EPHA6: variants seen among roughly 807,000 people sequenced by gnomAD.
EPHA6 encodes the protein ephrin type-A receptor 6.
EPHA6 carries 50 observed loss-of-function variants against 112.0 expected under a neutral mutation model. The observed-to-expected ratio is 0.45, with a 90% CI of 0.36 to 0.56. EPHA6 has a LOEUF of 0.56. Among genes scored for constraint, EPHA6 ranks in the 20% least tolerant of loss-of-function variants. EPHA6 has a pLI of 0.00. For synonymous variants in EPHA6, 529 were observed against 490.7 expected, an observed-to-expected ratio of 1.08 and a Z score of -1.03; for missense variants, 1,280 against 1,417.4, an observed-to-expected ratio of 0.90 and a Z score of 1.56.
chr3:97,013,133 A>T (rs1216184458), intron 3 of EPHA6, among the ~76,000 whole-genome samples: 1 of 152,014 alleles, frequency 6.6e-6, no homozygotes, highest in Non-Finnish European at 1.5e-5. Flanking sequence ...TGTTTTTGTT[A>T]CAATTGCTTT....
chr3:97,482,654 G>C (rs978845531), intron 9 of EPHA6, among the ~76,000 whole-genome samples: 1 of 152,186 alleles, frequency 6.6e-6, no homozygotes, highest in Non-Finnish European at 1.5e-5. Flanking sequence ...GGGCATTTCA[G>C]CACCTCCTCT....
intron 14 of EPHA6, among the ~76,000 whole-genome samples, chr3:97,645,464 A>G (rs1288067160): frequency 7.1e-4 from 99 of 139,080 alleles, no homozygotes; most frequent in African/African-American, 2.4e-3. Flanking sequence ...GAATTGAACA[A>G]TGAGATCACA....
intron 2 of EPHA6, among the ~76,000 whole-genome samples, chr3:96,943,203 A>G (rs113737595): frequency 1.3e-4 from 19 of 151,934 alleles, no homozygotes; most frequent in African/African-American, 4.6e-4. Flanking sequence ...TTTTTTGTAT[A>G]TATATATTTT....
chr3:97,055,851 G>A (rs2045834595), intron 3 of EPHA6, among the ~76,000 whole-genome samples: 1 of 151,976 alleles, frequency 6.6e-6, no homozygotes, highest in Admixed American at 6.6e-5. Context: ...AAAAAATATA[G>A]CAAAGGGCAA....
chr3:97,077,148 G>C (rs2046553857), intron 3 of EPHA6, among the ~76,000 whole-genome samples: 2 of 152,194 alleles, frequency 1.3e-5, no homozygotes, highest in South Asian at 4.2e-4. Context: ...GATGAATCTG[G>C]CAAAATAAAT....
chr3:96,932,872 A>G (rs1199531713), intron 2 of EPHA6, among the ~76,000 whole-genome samples: 1 of 152,242 alleles, frequency 6.6e-6, no homozygotes, highest in Non-Finnish European at 1.5e-5. Flanking sequence ...AAAACATGCA[A>G]AACGATTTAT....
At chr3:97,702,226 T>A (rs2033436104) in intron 14 of EPHA6, among the ~76,000 whole-genome samples, 1 of 152,238 alleles carries the variant, frequency 6.6e-6, no homozygotes, top group Non-Finnish European at 1.5e-5. Flanking sequence ...TGTTTTATTA[T>A]CTTTCAACTT....
At chr3:97,211,101 T>G (rs2077861400) in intron 3 of EPHA6, among the ~76,000 whole-genome samples, 1 of 152,234 alleles carries the variant, frequency 6.6e-6, no homozygotes, top group African/African-American at 2.4e-5. Flanking sequence ...AAGTCACTTC[T>G]ACTATAGTCA....
At chr3:97,173,159 C>T (rs1368649077) in intron 3 of EPHA6, among the ~76,000 whole-genome samples, 2 of 151,672 alleles carry the variant, frequency 1.3e-5, no homozygotes, top group Admixed American at 6.6e-5. Context: ...AGATAACCTA[C>T]CAACAGTAAT....
chr3:97,055,773 ATTTC>A (rs371804082), intron 3 of EPHA6, among the ~76,000 whole-genome samples: 118 of 152,188 alleles, frequency 7.8e-4, no homozygotes, highest in Non-Finnish European at 1.4e-3. Flanking sequence ...CACTCCTTTG[ATTTC>A]TTTATTTTTA....
At chr3:97,332,352 C>A (rs558881268) in intron 5 of EPHA6, among the ~76,000 whole-genome samples, 1 of 151,916 alleles carries the variant, frequency 6.6e-6, no homozygotes, top group Non-Finnish European at 1.5e-5. Context: ...TGGCACAAGA[C>A]AGGGATGCCC....
chr3:97,096,106 T>A (rs1054504195), intron 3 of EPHA6, among the ~76,000 whole-genome samples: 2 of 151,896 alleles, frequency 1.3e-5, no homozygotes, highest in Non-Finnish European at 2.9e-5. Context: ...CTGGAAGCAA[T>A]GGGTTTTGAT....
At chr3:97,405,528 G>A (rs976624666) in intron 6 of EPHA6, among the ~76,000 whole-genome samples, 6 of 152,004 alleles carry the variant, frequency 3.9e-5, no homozygotes, top group Admixed American at 2.6e-4. Context: ...ACTCTAGAGA[G>A]TTTTATAATA....
chr3:97,276,558 G>GGAATTGCA (rs2080088641), intron 5 of EPHA6, among the ~76,000 whole-genome samples: 2 of 152,284 alleles, frequency 1.3e-5, no homozygotes, highest in South Asian at 4.1e-4. Flanking sequence ...GTGGAGGCAA[G>GGAATTGCA]GAATTGCAAC....
At chr3:97,076,208 T>A (rs146019776) in intron 3 of EPHA6, among the ~76,000 whole-genome samples, 1 of 152,266 alleles carries the variant, frequency 6.6e-6, no homozygotes, top group East Asian at 1.9e-4. Context: ...TGTGCCAGAT[T>A]GCCAAATTGT....
At chr3:96,842,789 G>A (rs1303733461) in intron 1 of EPHA6, among the ~76,000 whole-genome samples, 1 of 151,904 alleles carries the variant, frequency 6.6e-6, no homozygotes, top group Non-Finnish European at 1.5e-5. Context: ...AATAAAATCA[G>A]CAGCATCATT....
rs2037374519 is a variant in EPHA6, at chr3:96,882,532, T to TC, written c.450+15647dup. ...CACCACTCCCACCATTCCCCCCAAG[T>TC]CCCCAAAATCCATTGTGTCATTCTT... On this transcript the variant is annotated intron_variant, in intron 2 of 17. Transcript: ENST00000389672. Among the ~76,000 whole-genome samples, 3 of 152,196 alleles carry TC rather than the reference T, an allele frequency of 2.0e-5. No homozygotes were observed. In the South Asian group the frequency reaches 6.2e-4, roughly 32 times the overall value.
intron 14 of EPHA6, among the ~76,000 whole-genome samples, chr3:97,655,579 A>G (rs1431246373): frequency 1.3e-5 from 2 of 152,030 alleles, no homozygotes; most frequent in Non-Finnish European, 2.9e-5. Context: ...ATAGTGCCGC[A>G]ATAAACATAC....
rs1559644951 is a variant in EPHA6, at chr3:97,747,433, TC to T, written c.3143del (p.Pro1048LeufsTer17). 1.9e-6 allele frequency: 3 copies of T among 1,556,290 alleles called. No homozygotes were observed. Among genetic ancestry groups the T allele is most frequent in the Non-Finnish European group, 1.7e-6 (2 of 1,150,380 alleles). On this transcript the variant is annotated frameshift_variant, in exon 17 of 18. Transcript: ENST00000389672. LOFTEE classifies it high-confidence loss of function. ...TTTGTTTTCTTACAGAATGCCAGAGTCCCCTGGTGAAGTTCCGGAATATCCT... is the reference window on the plus strand; with the variant it reads ...TTTGTTTTCTTACAGAATGCCAGAGTCCCTGGTGAAGTTCCGGAATATCCT... Reference protein sequence around the residue: ...LVEDILVMPESPGEVPEYPLF... With the variant: ...LVEDILVMPEXPGEVPEYPLF...
Sources: gnomAD v4.1 joint callset for allele counts (sites outside exome capture counted in the v4.1 genomes callset) on GRCh38, gnomAD v4.1.1 for gene constraint, MANE v1.5 for transcripts, NCBI Gene and HGNC (gene_info 2026-07-23, HGNC 2026-07-21) for gene names.